HEATR5A: variants seen among roughly 807,000 people sequenced by gnomAD.
HEATR5A encodes the protein HEAT repeat-containing protein 5A.
Under a neutral mutation model 218.8 loss-of-function variants are expected in HEATR5A, and 178 were observed. The ratio of observed to expected loss-of-function variants is 0.81; its 90% CI spans 0.72 to 0.92. The LOEUF (loss-of-function observed/expected upper bound fraction) is 0.92, where lower values mean the gene tolerates loss of function less well. Ranked by LOEUF, HEATR5A falls within the 40% of genes least tolerant of loss-of-function variation. The probability of loss-of-function intolerance (pLI) is 0.00; values close to 1 mark genes in which losing one functional copy is unlikely to be tolerated. For missense variants in HEATR5A, 2,420 were observed against 2,418.9 expected (o/e 1.00, Z -0.01); for synonymous variants, 864 against 871.6 (o/e 0.99, Z 0.15).
At chr14:31,391,827 A>C (rs1421171243) in intron 6 of HEATR5A, among the ~76,000 whole-genome samples, 1 of 152,208 alleles carries the variant, frequency 6.6e-6, no homozygotes, top group Non-Finnish European at 1.5e-5. Context: ...CAGTATAGTA[A>C]CATGCTGTAG....
rs200092495 is a variant in HEATR5A at position 31,344,672 on chromosome 14, T to TGA, written c.3058+414_3058+415insTC. On this transcript the variant is annotated intron_variant, in intron 20 of 35. Transcript: ENST00000543095. ...AAGACTATCAGTAGGTTATACCAAA[T>TGA]TTTCATAAAAAGTGGAATTAGAAAT... Among the ~76,000 whole-genome samples, 342 of 40,910 alleles carry TGA rather than the reference T, an allele frequency of 8.4e-3. 80 individuals carry two copies. Among genetic ancestry groups the TGA allele is most frequent in the South Asian group, 0.012 (10 of 808 alleles). The allele number at this position is 40,910 out of a possible 152,430, so 26.8% of individuals were successfully genotyped here.
Position 31,313,131 on chromosome 14 carries a change from G to T in HEATR5A, c.4278C>A (p.Thr1426=). 6.2e-7 allele frequency: 1 copy of T among 1,613,874 alleles called. No homozygotes were observed. The highest frequency in any genetic ancestry group is 8.5e-7 in the Non-Finnish European group (1 of 1,179,818). The change falls in exon 28 of 36, where the codon ACC becomes ACA. Residue 1426 remains threonine (T), a synonymous_variant. Coordinates refer to ENST00000543095, the MANE Select transcript of HEATR5A (RefSeq NM_015473.4). ...CATTTCTGATACCGTCTTCTAAACA[G>T]GTGGTAGTCTTCAAAGGTTGTCTGT... ...KNHRQPLKTT[T]CLEDGIRNGS... is the part of the protein sequence containing the mutation.
Position 31,350,659 on chromosome 14 carries a change from G to A in HEATR5A, c.2470C>T (p.Gln824Ter). 1 of 1,602,914 alleles carries A rather than the reference G, an allele frequency of 6.2e-7. No individual in the cohort carries two copies. Among genetic ancestry groups the A allele is most frequent in the Non-Finnish European group, 8.5e-7 (1 of 1,173,206 alleles). Residue 824 changes from glutamine to a stop codon, truncating the protein, a stop_gained, in exon 17 of 36, where the codon CAA becomes TAA. Transcript: ENST00000543095. LOFTEE classifies it high-confidence loss of function. ...GAAACAACATGTAACTGAACCACTT[G>A]CTGACGAGCTCCTTTTGTGTGCTTT... ...SIKHTKGARQ[Q>*]VVQLHVVSSV...
rs777581069 is a variant in HEATR5A at position 31,358,727 on chromosome 14, A to T, written c.2321T>A (p.Val774Glu). ...TAGTGCTGGAGGTAAGGGCTTAGGC[A>T]CTGAATCTCCCTCTACATCTTTCTC... ...IYEKDVEGDSVPKPLPPALSV... is the reference protein window; with the variant it reads ...IYEKDVEGDSEPKPLPPALSV... Residue 774 changes from valine (V) to glutamate (E), a missense_variant, in exon 16 of 36, where the codon GTG (valine) becomes GAG (glutamate). Val to Glu is a moderately radical substitution (Grantham distance 121, BLOSUM62 -2). Coordinates refer to ENST00000543095, the MANE Select transcript of HEATR5A (RefSeq NM_015473.4). 1.4e-5 allele frequency: 22 copies of T among 1,613,956 alleles called. No individual in the cohort carries two copies. The South Asian group carries it at 2.4e-4, about 18-fold the overall frequency.
At chr14:31,420,083 C>G (rs1732774944) in intron 1 of HEATR5A, 1 of 152,402 alleles carries the variant, frequency 6.6e-6, no homozygotes, top group Non-Finnish European at 1.5e-5. Context: ...GAGGCGGGCT[C>G]CGACTTGCTG....
intron 9 of HEATR5A, among the ~76,000 whole-genome samples, chr14:31,384,607 A>G (rs1409842470): frequency 1.3e-5 from 2 of 151,048 alleles, no homozygotes; most frequent in Non-Finnish European, 3.0e-5. Flanking sequence ...GTTCACTGCA[A>G]CCTTCGCCTT....
chr14:31,374,723 C>A, intron 12 of HEATR5A, 93 bp downstream of exon 12: 1 of 1,191,590 alleles, frequency 8.4e-7, no homozygotes, highest in South Asian at 1.7e-5. Flanking sequence ...ATCCCCCTGC[C>A]TCGTGTTAAA....
At chr14:31,306,297 T>C (rs1278243083) in intron 31 of HEATR5A, among the ~76,000 whole-genome samples, 1 of 152,056 alleles carries the variant, frequency 6.6e-6, no homozygotes, top group African/African-American at 2.4e-5. Flanking sequence ...CTGGGCAACA[T>C]GGCCACATCC....
chr14:31,305,107 C>A lies in HEATR5A; in HGVS notation c.5037G>T (p.Val1679=), dbSNP rs751753941. ...FGEGKDTGGL[V]PGKSLVFATL... ...TTGCAAAGACCAAAGACTTTCCAGGCACAAGTCCTCCGGTGTCCTTTCCCT... is the reference window on the plus strand; with the variant it reads ...TTGCAAAGACCAAAGACTTTCCAGGAACAAGTCCTCCGGTGTCCTTTCCCT... The change falls in exon 32 of 36, where the codon GTG becomes GTT. Residue 1679 remains valine, a synonymous_variant. Coordinates refer to ENST00000543095, the MANE Select transcript of HEATR5A (RefSeq NM_015473.4). 12 of 1,613,862 alleles carry A rather than the reference C, an allele frequency of 7.4e-6. No individual in the cohort carries two copies. The highest frequency in any genetic ancestry group is 7.6e-6 in the Non-Finnish European group (9 of 1,179,870).
chr14:31,348,007 T>C (rs1901077351), intron 18 of HEATR5A, 100 bp from the exon 19 acceptor site: 5 of 625,760 alleles, frequency 8.0e-6, no homozygotes, highest in Non-Finnish European at 1.2e-5. Context: ...ACTTTTTATA[T>C]GGATAGTTGC....
chr14:31,395,083 T>G, intron 5 of HEATR5A, 116 bp downstream of exon 5: 5 of 605,552 alleles, frequency 8.3e-6, no homozygotes, highest in South Asian at 3.7e-5. Flanking sequence ...TATGTTAAAA[T>G]GAGATAGTCC....
intron 22 of HEATR5A, among the ~76,000 whole-genome samples, chr14:31,328,305 T>C (rs1465390649): frequency 6.6e-6 from 1 of 152,064 alleles, no homozygotes; most frequent in Non-Finnish European, 1.5e-5. Flanking sequence ...GAAATTATCT[T>C]TTAAATATTA....
chr14:31,420,326 T>G (rs1038232837), intron 1 of HEATR5A, 146 bp downstream of exon 1: 1 of 152,178 alleles, frequency 6.6e-6, no homozygotes, highest in Non-Finnish European at 1.5e-5. Context: ...CGCGATCACA[T>G]TGCTGCCGCG....
chr14:31,343,990 C>A lies in HEATR5A; in HGVS notation c.3134G>T (p.Cys1045Phe). ...AGAGATGGCCTGAGCTTGAACAAGGCAGTCTGGGTTATCTTGCATTACTGC... is the reference window on the plus strand; with the variant it reads ...AGAGATGGCCTGAGCTTGAACAAGGAAGTCTGGGTTATCTTGCATTACTGC... ...GCAVMQDNPD[C>F]LVQAQAISCL... Residue 1045 changes from cysteine to phenylalanine, a missense_variant, in exon 21 of 36, where the codon TGC becomes TTC. Physicochemically the swap from Cys to Phe is radical, Grantham distance 205. Transcript: ENST00000543095. 1 of 1,611,496 alleles carries A rather than the reference C, an allele frequency of 6.2e-7. No homozygotes were observed. The highest frequency in any genetic ancestry group is 8.5e-7 in the Non-Finnish European group (1 of 1,178,718).
At chr14:31,301,814 T>C (rs1471873829) in intron 33 of HEATR5A, among the ~76,000 whole-genome samples, 11 of 130,048 alleles carry the variant, frequency 8.5e-5, no homozygotes, top group African/African-American at 2.7e-4. Context: ...CTTTCTTTTT[T>C]TTTTTTTTTT....
chr14:31,408,036 T>C (rs909353756), intron 1 of HEATR5A, among the ~76,000 whole-genome samples: 3 of 152,232 alleles, frequency 2.0e-5, no homozygotes, highest in African/African-American at 7.2e-5. Context: ...GTTATAAAGG[T>C]ATTTAAATGC....
At chr14:31,309,292 C>A (rs1470238017) in intron 28 of HEATR5A, 110 bp from the exon 29 acceptor site, 1 of 1,222,754 alleles carries the variant, frequency 8.2e-7, no homozygotes, top group Non-Finnish European at 1.1e-6. Flanking sequence ...TCCCTTGTAC[C>A]CTTTTTCAGT....
chr14:31,365,400 G>A (rs765717754), intron 13 of HEATR5A, among the ~76,000 whole-genome samples: 10 of 151,474 alleles, frequency 6.6e-5, no homozygotes, highest in Admixed American at 2.0e-4. Flanking sequence ...TTGCTCTATT[G>A]CCCAGGCTGG....
At chr14:31,327,216 C>T (rs1408017831) in intron 22 of HEATR5A, among the ~76,000 whole-genome samples, 2 of 151,348 alleles carry the variant, frequency 1.3e-5, no homozygotes, top group African/African-American at 4.9e-5. Flanking sequence ...CTCAAGTGAT[C>T]CACCCACCTT....
Sources: gnomAD v4.1 joint callset for allele counts (sites outside exome capture counted in the v4.1 genomes callset) on GRCh38, gnomAD v4.1.1 for gene constraint, MANE v1.5 for transcripts, NCBI Gene and HGNC (gene_info 2026-07-23, HGNC 2026-07-21) for gene names.